The following LRRC8C variants were observed in gnomAD, a reference collection of about 807,000 sequenced individuals.
LRRC8C encodes volume-regulated anion channel subunit LRRC8C.
LRRC8C carries 20 observed loss-of-function variants against 55.3 expected under a neutral mutation model. That is an observed-to-expected ratio of 0.36 (90% CI 0.25 to 0.53). The LOEUF is 0.53. LRRC8C is among the 20% of genes least tolerant of loss of function. LRRC8C has a pLI of 0.92. For missense variants in LRRC8C, 659 were observed against 951.4 expected (o/e 0.69, Z 4.04); for synonymous variants, 376 against 360.7 (o/e 1.04, Z -0.48).
the LRRC8C span, among the ~76,000 whole-genome samples, chr1:89,618,798 C>T: frequency 3.1e-4 from 47 of 152,296 alleles, no homozygotes; most frequent in African/African-American, 1.1e-3. Context: ...CTCTGATTTA[C>T]GAGACCTTAG....
At chr1:89,660,445 G>A (rs1396040417) in intron 1 of LRRC8C, among the ~76,000 whole-genome samples, 1 of 152,124 alleles carries the variant, frequency 6.6e-6, no homozygotes, top group Non-Finnish European at 1.5e-5. Context: ...CTGCACCCAG[G>A]CATCAGTGTT....
intron 2 of LRRC8C, among the ~76,000 whole-genome samples, chr1:89,707,822 C>G (rs1169064213): frequency 1.3e-5 from 2 of 152,010 alleles, no homozygotes; most frequent in Non-Finnish European, 2.9e-5. Flanking sequence ...CCTGATTCAC[C>G]TCCTCCTACT....
chr1:89,675,507 G>A (rs1051544600), intron 1 of LRRC8C, among the ~76,000 whole-genome samples: 28 of 152,298 alleles, frequency 1.8e-4, no homozygotes, highest in African/African-American at 6.5e-4. Context: ...AGAACCCTGT[G>A]CCCTCTTTGT....
rs539016865 is a variant in LRRC8C, at chr1:89,642,217, A to G, written c.-5+8895A>G. Among the ~76,000 whole-genome samples the G allele has an allele frequency of 3.9e-5, 6 of 152,240 alleles. No homozygotes were observed. In the East Asian group the frequency reaches 9.6e-4, roughly 24 times the overall value. ...ACGCTTTTTTCCTCCTCAGATTCTT[A>G]TCCTGCTAGATAGTTATATTCCGTA... On this transcript the variant is annotated intron_variant, in intron 1 of 2. Transcript: ENST00000370454.
intron 2 of LRRC8C, among the ~76,000 whole-genome samples, chr1:89,708,260 T>G (rs985553222): frequency 6.6e-6 from 1 of 152,174 alleles, no homozygotes; most frequent in African/African-American, 2.4e-5. Context: ...GGTGATGCAC[T>G]GAACCTCAAG....
chr1:89,625,960 C>T, the LRRC8C span, among the ~76,000 whole-genome samples: 1 of 152,176 alleles, frequency 6.6e-6, no homozygotes, highest in South Asian at 2.1e-4. Flanking sequence ...AAATCAGTCA[C>T]ATTCTTTAGG....
At chr1:89,642,301 G>A (rs913708241) in intron 1 of LRRC8C, among the ~76,000 whole-genome samples, 2 of 152,222 alleles carry the variant, frequency 1.3e-5, no homozygotes, top group African/African-American at 4.8e-5. Flanking sequence ...AGTATCCAGG[G>A]AGGATGTTCT....
In LRRC8C at chr1:89,709,932, C is replaced by T. The variant is rs549001537; in HGVS notation, c.139-2777C>T. ...GCGCCCGGCTAATTTTTTGTGTTTT[C>T]AGTAGAGACGGGGTTTCACCGTGTT... On this transcript the variant is annotated intron_variant, in intron 2 of 2. Coordinates refer to ENST00000370454, the MANE Select transcript of LRRC8C (RefSeq NM_032270.5). Among the ~76,000 whole-genome samples, 4 of 152,060 alleles carry T rather than the reference C, an allele frequency of 2.6e-5. No homozygotes were observed. The East Asian group carries it at 5.8e-4, about 22-fold the overall frequency.
chr1:89,666,794 C>T (rs1047766496), intron 1 of LRRC8C, among the ~76,000 whole-genome samples: 1 of 152,072 alleles, frequency 6.6e-6, no homozygotes, highest in African/African-American at 2.4e-5. Context: ...TATTGAGTAC[C>T]TTTTATGTGC....
Position 89,689,012 on chromosome 1 carries a change from TGA to T in LRRC8C, c.138+2402_138+2403del, listed in dbSNP as rs879690771. Among the ~76,000 whole-genome samples the T allele has an allele frequency of 2.4e-3, 366 of 152,274 alleles. 5 individuals are homozygous for T. Among genetic ancestry groups the T allele is most frequent in the Admixed American group, 0.018 (269 of 15,304 alleles). Reference sequence around the variant, plus strand: ...TAGATCACTTTCCTTGCACTGGAGATGATTTGGGGAGGAGAGGCTCAGGAGGA... The same window carrying T: ...TAGATCACTTTCCTTGCACTGGAGATTTTGGGGAGGAGAGGCTCAGGAGGA... On this transcript the variant is annotated intron_variant, in intron 2 of 2. Transcript: ENST00000370454.
At chr1:89,632,232 G>A (rs1246016949), upstream of LRRC8C, 1 of 152,170 alleles carries the variant, frequency 6.6e-6, no homozygotes, top group African/African-American at 2.4e-5. Context: ...GGGAAAATGG[G>A]GAGAAGAAAA....
the LRRC8C span, among the ~76,000 whole-genome samples, chr1:89,623,783 T>C: frequency 6.6e-6 from 1 of 152,130 alleles, no homozygotes; most frequent in Non-Finnish European, 1.5e-5. Context: ...GAATATTCAT[T>C]AGGCCAGGAA....
chr1:89,704,691 A>G (rs1178635316), intron 2 of LRRC8C, among the ~76,000 whole-genome samples: 3 of 152,154 alleles, frequency 2.0e-5, no homozygotes, highest in Admixed American at 1.3e-4. Flanking sequence ...ATCACTGGCC[A>G]TCAGAGAAAT....
At chr1:89,673,252 C>A (rs1285089727) in intron 1 of LRRC8C, among the ~76,000 whole-genome samples, 1 of 152,170 alleles carries the variant, frequency 6.6e-6, no homozygotes, top group Non-Finnish European at 1.5e-5. Context: ...TTTTCAAGCA[C>A]CCGCAATCCG....
At chr1:89,630,140 C>G (rs1368959061), upstream of LRRC8C, among the ~76,000 whole-genome samples, 1 of 152,194 alleles carries the variant, frequency 6.6e-6, no homozygotes, top group African/African-American at 2.4e-5. Context: ...GCATGAGACT[C>G]TGTCTCAGAA....
chr1:89,654,415 C>T (rs540378431), intron 1 of LRRC8C, among the ~76,000 whole-genome samples: 38 of 151,638 alleles, frequency 2.5e-4, no homozygotes, highest in Non-Finnish European at 5.0e-4. Context: ...TAAATTTATA[C>T]AAAAAAAAGA....
At chr1:89,632,256 C>T (rs1014120257), upstream of LRRC8C, 2 of 152,152 alleles carry the variant, frequency 1.3e-5, no homozygotes, top group African/African-American at 4.8e-5. Context: ...CGGTTCAGAT[C>T]AATCAATGAG....
At chr1:89,620,424 AAG>A in the LRRC8C span, among the ~76,000 whole-genome samples, 22 of 152,318 alleles carry the variant, frequency 1.4e-4, no homozygotes, top group South Asian at 4.3e-3. Context: ...TTTGGAGAGA[AAG>A]AGAGTATAGT....
chr1:89,680,466 GT>G (rs200444324), intron 1 of LRRC8C, among the ~76,000 whole-genome samples: 1,425 of 137,640 alleles, frequency 0.01, 18 homozygotes, highest in African/African-American at 0.035. Context: ...TTTTGTAATA[GT>G]TTTTTTTTTT....
Sources: allele counts gnomAD v4.1 joint callset (sites outside exome capture counted in the v4.1 genomes callset), GRCh38; gene constraint gnomAD v4.1.1; transcripts MANE v1.5; gene names NCBI Gene and HGNC (gene_info 2026-07-23, HGNC 2026-07-21).